Variants in SSUH2 observed in about 807,000 individuals in gnomAD.
SSUH2 encodes protein SSUH2 homolog.
A neutral mutation model predicts 55.3 loss-of-function variants in SSUH2; 47 were observed. The observed-to-expected ratio is 0.85, with a 90% confidence interval of 0.67 to 1.08. The LOEUF is 1.08. Ranked by LOEUF, SSUH2 falls within the 50% of genes least tolerant of loss-of-function variation. The pLI is 0.00. For missense variants in SSUH2, 535 were observed against 490.7 expected, an observed-to-expected ratio of 1.09 and a Z score of -0.85; for synonymous variants, 212 against 191.5, an observed-to-expected ratio of 1.11 and a Z score of -0.89.
intron 2 of SSUH2, among the ~76,000 whole-genome samples, chr3:8,677,723 A>G (rs559220999): frequency 6.6e-6 from 1 of 150,762 alleles, no homozygotes; most frequent in Non-Finnish European, 1.5e-5. Flanking sequence ...GGGCCTTGGC[A>G]GCAACTGCCC....
At chr3:8,621,683 G>A (rs1696472750) in intron 11 of SSUH2, among the ~76,000 whole-genome samples, 2 of 152,152 alleles carry the variant, frequency 1.3e-5, no homozygotes, top group Admixed American at 1.3e-4. Context: ...AACCAGATAA[G>A]ACCCCGGTGA....
intron 1 of SSUH2, among the ~76,000 whole-genome samples, chr3:8,680,764 T>A (rs1420914329): frequency 6.6e-6 from 1 of 152,062 alleles, no homozygotes; most frequent in Non-Finnish European, 1.5e-5. Context: ...CTTACTGCGA[T>A]ATTTGGAGTA....
chr3:8,634,414 C>G, intron 3 of SSUH2: 1 of 1,290,784 alleles, frequency 7.7e-7, no homozygotes, highest in Non-Finnish European at 1.0e-6. Flanking sequence ...CTTTCTGGCC[C>G]CAACACCTCC....
rs780531167 is a variant in SSUH2 at position 8,626,314 on chromosome 3, T to C, written c.682A>G (p.Thr228Ala). 6 of 1,613,858 alleles carry C rather than the reference T, an allele frequency of 3.7e-6. No homozygotes were observed. The highest frequency in any genetic ancestry group is 5.1e-6 in the Non-Finnish European group (6 of 1,179,900). ...CAGSGRRRCS[T>A]CSGRGNKTCA... The stretch of plus-strand genomic sequence containing the variant: ...GTCTTGTTCCCTCTCCCTGAGCAAG[T>C]GCTGCATCTGAGAAAGGCACAGAGT... The change falls in exon 9 of 12, where the codon ACT (threonine) becomes GCT (alanine). Residue 228 changes from threonine (T) to alanine (A), a missense_variant. Coordinates refer to ENST00000544814, the MANE Select transcript of SSUH2 (RefSeq NM_001256748.3).
At chr3:8,668,430 C>T (rs189022996) in intron 5 of SSUH2, among the ~76,000 whole-genome samples, 1 of 152,314 alleles carries the variant, frequency 6.6e-6, no homozygotes, top group East Asian at 1.9e-4. Context: ...GGATTATTGT[C>T]TTAAATGTTT....
chr3:8,632,804 G>T (rs73812737), intron 4 of SSUH2, among the ~76,000 whole-genome samples: 5,388 of 152,276 alleles, frequency 0.035, 347 homozygotes, highest in African/African-American at 0.12. Flanking sequence ...AATGAATAAA[G>T]AATTTCTTGG....
intron 8 of SSUH2, chr3:8,626,881 T>A (rs558077272): frequency 6.6e-6 from 1 of 152,472 alleles, no homozygotes; most frequent in South Asian, 2.1e-4. Flanking sequence ...CCTGAAGCCA[T>A]CCCTGAAATA....
intron 1 of SSUH2, among the ~76,000 whole-genome samples, chr3:8,680,978 C>A (rs1478966166): frequency 1.3e-5 from 2 of 151,512 alleles, no homozygotes; most frequent in Admixed American, 6.6e-5. Flanking sequence ...CCTCTTCCCT[C>A]CCTGGCTCTT....
chr3:8,679,065 C>A (rs552961397), intron 2 of SSUH2, among the ~76,000 whole-genome samples: 1 of 109,464 alleles, frequency 9.1e-6, no homozygotes, highest in African/African-American at 3.1e-5. Flanking sequence ...GGAAGCACCC[C>A]CCGCGAGGCG....
At chr3:8,659,665 C>A (rs1575323828) in intron 6 of SSUH2, 2 of 420,060 alleles carry the variant, frequency 4.8e-6, no homozygotes, top group Admixed American at 2.5e-5. Flanking sequence ...CTGACCCAAA[C>A]CCTCAATGGG....
rs923658638 is a variant in SSUH2 at position 8,635,314 on chromosome 3, C to T, written c.195G>A (p.Ser65=). ...CTGAAACTCACCTGTGTTCCAGGAA[C>T]GAGGGCCAGGACCTTTGCTCCTGGG... ...GRPQEQRSWP[S]FLEHRVPAMT... The change falls in exon 3 of 12, where the codon TCG becomes TCA. Residue 65 remains serine (S), a synonymous_variant. Transcript: ENST00000544814. The T allele has an allele frequency of 4.6e-6, 7 of 1,535,664 alleles. No homozygotes were observed. The highest frequency in any genetic ancestry group is 5.2e-6 in the Non-Finnish European group (6 of 1,146,614).
At position 8,619,841 on chromosome 3, in the gene SSUH2, G is replaced by A. The variant is rs761931122; in HGVS notation, c.*27C>T. The A allele has an allele frequency of 2.5e-6, 4 of 1,606,278 alleles. No individual in the cohort carries two copies. In the African/African-American group the frequency reaches 5.4e-5, roughly 21 times the overall value. ...CCATCTTCCTTGGCAAACGTGAATGGCAGGCTCTGGGGACAGCCATGCTAT... is the reference window on the plus strand; with the variant it reads ...CCATCTTCCTTGGCAAACGTGAATGACAGGCTCTGGGGACAGCCATGCTAT... On this transcript the variant is annotated 3_prime_UTR_variant, in exon 12 of 12. Transcript: ENST00000544814.
At position 8,626,424 on chromosome 3, in the gene SSUH2, G is replaced by A. The variant is rs1697539237; in HGVS notation, c.675-103C>T. On this transcript the variant is annotated intron_variant, in intron 8 of 11. Coordinates refer to ENST00000544814, the MANE Select transcript of SSUH2 (RefSeq NM_001256748.3). ...CTTCCTCCTGGAGGTAGACTGTGGT[G>A]GGCCTGCATTGTTTGTACCTGCCCA... is the stretch of plus-strand genomic sequence containing the variant. 9 of 820,454 alleles carry A rather than the reference G, an allele frequency of 1.1e-5. 1 individual carries two copies. The highest frequency in any genetic ancestry group is 9.2e-5 in the South Asian group (6 of 65,462). 50.8% of individuals were successfully genotyped at this position (820,454 alleles called of 1,614,324 possible). A position where few individuals can be genotyped will look rare whatever the true frequency, so the allele number is the denominator to read the frequency against.
intron 2 of SSUH2, among the ~76,000 whole-genome samples, chr3:8,678,980 T>TGG (rs1559568433): frequency 0.014 from 690 of 49,894 alleles, 22 homozygotes; most frequent in Non-Finnish European, 0.022. Flanking sequence ...GGGCGGAGAG[T>TGG]CACCCCCCGC....
chr3:8,663,338 C>T (rs1469484009), intron 6 of SSUH2, among the ~76,000 whole-genome samples: 2 of 152,248 alleles, frequency 1.3e-5, no homozygotes, highest in Non-Finnish European at 2.9e-5. Context: ...ATTCACCTAC[C>T]CCCTCCTGTC....
intron 6 of SSUH2, among the ~76,000 whole-genome samples, chr3:8,660,244 G>T (rs369370104): frequency 3.3e-5 from 5 of 152,280 alleles, no homozygotes; most frequent in Admixed American, 2.0e-4. Flanking sequence ...TAAAGAGAGC[G>T]CTGGTTAGAG....
intron 7 of SSUH2, among the ~76,000 whole-genome samples, chr3:8,654,769 G>A (rs1702767011): frequency 1.3e-5 from 2 of 151,738 alleles, no homozygotes; most frequent in Non-Finnish European, 1.5e-5. Context: ...AAAGTATGTG[G>A]TCTTCTCCCG....
chr3:8,630,867 C>A lies in SSUH2; in HGVS notation c.463G>T (p.Gly155Cys). ...SPRLWDIKVQ[G>C]PPMFQEDTRK... ...GTGTCTTCCTGAAACATCGGAGGACCTTGAACCTTGATGTCCCAGAGCCTG... is the reference window on the plus strand; with the variant it reads ...GTGTCTTCCTGAAACATCGGAGGACATTGAACCTTGATGTCCCAGAGCCTG... Residue 155 changes from glycine (G) to cysteine (C), a missense_variant, in exon 6 of 12, where the codon GGT becomes TGT. Transcript: ENST00000544814. 6.7e-7 allele frequency: 1 copy of A among 1,501,686 alleles called. No homozygotes were observed. Among genetic ancestry groups the A allele is most frequent in the South Asian group, 1.4e-5 (1 of 72,436 alleles). The allele number at this position is 1,501,686 out of a possible 1,614,324, so 93.0% of individuals were successfully genotyped here. A position where few individuals can be genotyped will look rare whatever the true frequency, so the allele number is the denominator to read the frequency against.
At chr3:8,650,861 G>A (rs189207545) in intron 7 of SSUH2, among the ~76,000 whole-genome samples, 20 of 152,332 alleles carry the variant, frequency 1.3e-4, no homozygotes, top group African/African-American at 4.8e-4. Context: ...GGGGGCTTCA[G>A]ATTAAACCAA....
Sources: allele counts gnomAD v4.1 joint callset (sites outside exome capture counted in the v4.1 genomes callset), GRCh38; gene constraint gnomAD v4.1.1; transcripts MANE v1.5; gene names NCBI Gene and HGNC (gene_info 2026-07-23, HGNC 2026-07-21).